BCKDHB: variants seen among roughly 807,000 people sequenced by gnomAD.
The protein encoded by BCKDHB is 2-oxoisovalerate dehydrogenase subunit beta, mitochondrial.
In BCKDHB, 41 loss-of-function variants were observed where a neutral mutation model predicts 48.5. That is an observed-to-expected ratio of 0.85 (90% CI 0.66 to 1.10). BCKDHB has a LOEUF of 1.10. BCKDHB is among the 50% of genes least tolerant of loss of function. The pLI is 0.00. For synonymous variants in BCKDHB, 201 were observed against 174.8 expected, an observed-to-expected ratio of 1.15 and a Z score of -1.18; for missense variants, 496 against 494.2, an observed-to-expected ratio of 1.00 and a Z score of -0.03.
At chr6:80,152,553 C>T (rs1771839597) in intron 3 of BCKDHB, among the ~76,000 whole-genome samples, 2 of 152,150 alleles carry the variant, frequency 1.3e-5, no homozygotes, top group South Asian at 4.1e-4. Flanking sequence ...ACATTTAGGT[C>T]ATAATCATTT....
chr6:80,172,589 G>C (rs1409419726), intron 6 of BCKDHB, among the ~76,000 whole-genome samples: 1 of 152,080 alleles, frequency 6.6e-6, no homozygotes, highest in Admixed American at 6.6e-5. Flanking sequence ...CTATGTTTCT[G>C]GAGCCAGCCT....
chr6:80,134,564 T>A (rs1489746129), intron 3 of BCKDHB, among the ~76,000 whole-genome samples: 3 of 152,070 alleles, frequency 2.0e-5, no homozygotes, highest in African/African-American at 7.2e-5. Flanking sequence ...TACATTTAGG[T>A]AAGCTTTATG....
At chr6:80,432,698 C>T in the BCKDHB span, among the ~76,000 whole-genome samples, 1 of 152,166 alleles carries the variant, frequency 6.6e-6, no homozygotes. Flanking sequence ...CCAACTCATT[C>T]TCAGTCCAGT....
At chr6:80,337,072 T>C (rs1334623638) in intron 9 of BCKDHB, among the ~76,000 whole-genome samples, 1 of 152,040 alleles carries the variant, frequency 6.6e-6, no homozygotes, top group South Asian at 2.1e-4. Context: ...TAATTTGGAG[T>C]TGTTGGCATA....
At chr6:80,149,841 G>A (rs371660906) in intron 3 of BCKDHB, among the ~76,000 whole-genome samples, 3 of 135,416 alleles carry the variant, frequency 2.2e-5, no homozygotes, top group Non-Finnish European at 3.2e-5. Context: ...GATGGGGGGA[G>A]GGGGGAGGGA....
chr6:80,167,121 G>A (rs1772614949), intron 3 of BCKDHB, among the ~76,000 whole-genome samples: 1 of 152,102 alleles, frequency 6.6e-6, no homozygotes, highest in South Asian at 2.1e-4. Flanking sequence ...CCCTTTAACA[G>A]TATGCGTTTT....
intron 9 of BCKDHB, among the ~76,000 whole-genome samples, chr6:80,308,788 A>G (rs1198422830): frequency 7.3e-5 from 11 of 151,118 alleles, no homozygotes; most frequent in African/African-American, 1.9e-4. Flanking sequence ...GTAGAGACGG[A>G]GTTTCACCGT....
At chr6:80,169,819 T>C (rs1772803889) in intron 5 of BCKDHB, 1 of 1,608,938 alleles carries the variant, frequency 6.2e-7, no homozygotes, top group Non-Finnish European at 8.5e-7. Flanking sequence ...AGATCAAAGT[T>C]ATAAGCTTAT....
chr6:80,257,984 A>G (rs910280870), intron 8 of BCKDHB, among the ~76,000 whole-genome samples: 5 of 151,912 alleles, frequency 3.3e-5, no homozygotes, highest in Admixed American at 6.6e-5. Flanking sequence ...ACATATATAT[A>G]TATATTTATT....
chr6:80,219,143 A>G (rs533284173), intron 8 of BCKDHB, among the ~76,000 whole-genome samples: 1 of 151,262 alleles, frequency 6.6e-6, no homozygotes, highest in Admixed American at 6.6e-5. Context: ...TCTTTGAAAA[A>G]TCAAGACAAG....
At chr6:80,382,713 T>C in the BCKDHB span, among the ~76,000 whole-genome samples, 1 of 152,152 alleles carries the variant, frequency 6.6e-6, no homozygotes, top group South Asian at 2.1e-4. Context: ...TTCATTTCCA[T>C]TTGAAATAGT....
At chr6:80,108,649 C>G (rs781242922) in intron 1 of BCKDHB, among the ~76,000 whole-genome samples, 5 of 151,576 alleles carry the variant, frequency 3.3e-5, no homozygotes, top group African/African-American at 9.7e-5. Context: ...ATCACCAGGT[C>G]AAGAGATCGA....
chr6:80,374,485 T>G, the BCKDHB span: 1 of 750,284 alleles, frequency 1.3e-6, no homozygotes, highest in Non-Finnish European at 2.5e-6. Context: ...GTTTCACGAG[T>G]GTTCTTAAGG....
intron 1 of BCKDHB, among the ~76,000 whole-genome samples, chr6:80,117,276 A>T (rs1769755118): frequency 6.6e-6 from 1 of 152,352 alleles, no homozygotes; most frequent in African/African-American, 2.4e-5. Context: ...ATACAAGACG[A>T]ATAGATTCTT....
At position 80,206,028 on chromosome 6, in the gene BCKDHB, G is replaced by T. The variant is rs558162203; in HGVS notation, c.951+2816G>T. 4.6e-5 allele frequency among the ~76,000 whole-genome samples: 7 copies of T among 152,064 alleles called. No individual in the cohort carries two copies. The East Asian group carries it at 1.2e-3, about 25-fold the overall frequency. ...AGTGACAAAATTGAAATTTTGAGGG[G>T]ATTTAAACACATACTTGACCTTTTA... On this transcript the variant is annotated intron_variant, in intron 8 of 9. Transcript: ENST00000320393.
At chr6:80,360,512 A>C in the BCKDHB span, among the ~76,000 whole-genome samples, 1 of 152,212 alleles carries the variant, frequency 6.6e-6, no homozygotes, top group Non-Finnish European at 1.5e-5. Flanking sequence ...TGATCTCCGA[A>C]TGTAATCTCT....
intron 6 of BCKDHB, among the ~76,000 whole-genome samples, chr6:80,175,781 G>A (rs1773122429): frequency 6.6e-6 from 1 of 152,168 alleles, no homozygotes; most frequent in African/African-American, 2.4e-5. Flanking sequence ...ACTAGAAGAA[G>A]CAAAACTGAA....
intron 9 of BCKDHB, among the ~76,000 whole-genome samples, chr6:80,338,715 G>A (rs1291399266): frequency 6.6e-6 from 1 of 152,058 alleles, no homozygotes; most frequent in Non-Finnish European, 1.5e-5. Flanking sequence ...ATAAATATGG[G>A]ATTCCTTTAA....
intron 9 of BCKDHB, among the ~76,000 whole-genome samples, chr6:80,310,384 A>G (rs1210825977): frequency 1.3e-5 from 2 of 152,184 alleles, no homozygotes; most frequent in Non-Finnish European, 2.9e-5. Context: ...TAGTTTGCTA[A>G]GGATAATCGC....
Sources: gnomAD v4.1 joint callset for allele counts (sites outside exome capture counted in the v4.1 genomes callset) on GRCh38, gnomAD v4.1.1 for gene constraint, MANE v1.5 for transcripts, NCBI Gene and HGNC (gene_info 2026-07-23, HGNC 2026-07-21) for gene names.